The following MYO9A variants were observed in gnomAD, a reference collection of about 807,000 sequenced individuals.
The protein encoded by MYO9A is unconventional myosin-IXa.
Under a neutral mutation model 293.3 loss-of-function variants are expected in MYO9A, and 103 were observed. The observed-to-expected ratio is 0.35, with a 90% CI of 0.30 to 0.41. MYO9A has a LOEUF of 0.41. Among genes scored for constraint, MYO9A ranks in the 10% least tolerant of loss-of-function variants. MYO9A has a pLI of 1.00. For synonymous variants in MYO9A, 1,001 were observed against 1,035.7 expected, an observed-to-expected ratio of 0.97 and a Z score of 0.64; for missense variants, 2,685 against 3,033.0, an observed-to-expected ratio of 0.89 and a Z score of 2.69.
chr15:72,041,227 T>G, intron 2 of MYO9A: 1 of 1,387,622 alleles, frequency 7.2e-7, no homozygotes, highest in East Asian at 2.6e-5. Flanking sequence ...TATTCTTCAC[T>G]CATTGCACAC....
At chr15:71,961,691 G>A (rs1416443231) in intron 13 of MYO9A, among the ~76,000 whole-genome samples, 1 of 152,086 alleles carries the variant, frequency 6.6e-6, no homozygotes. Flanking sequence ...TGGAGTGCTA[G>A]GGAGATTTCA....
intron 39 of MYO9A, among the ~76,000 whole-genome samples, chr15:71,843,729 C>T (rs747164971): frequency 3.9e-5 from 6 of 152,154 alleles, no homozygotes; most frequent in African/African-American, 7.2e-5. Context: ...GTGATCCGCC[C>T]GCCTCGGCCT....
At chr15:72,116,360 C>T (rs117098363) in intron 1 of MYO9A, among the ~76,000 whole-genome samples, 4 of 152,310 alleles carry the variant, frequency 2.6e-5, no homozygotes, top group Non-Finnish European at 4.4e-5. Flanking sequence ...AAATTACGTA[C>T]TGATCATTTG....
rs1006471878 is a variant in MYO9A at position 71,859,908 on chromosome 15, G to T, written c.6092-112C>A. 59 of 787,520 alleles carry T rather than the reference G, an allele frequency of 7.5e-5. No homozygotes were observed. The Admixed American group carries it at 1.3e-3, about 17-fold the overall frequency. The allele number at this position is 787,520 out of a possible 1,614,324, so 48.8% of individuals were successfully genotyped here. On this transcript the variant is annotated intron_variant, in intron 33 of 41. Transcript: ENST00000356056. The stretch of plus-strand genomic sequence containing the variant: ...CGTTTTTTTCTTTAAATCTCAGACT[G>T]CTGTAATATGACATACATACTTTGT...
intron 18 of MYO9A, among the ~76,000 whole-genome samples, chr15:71,918,944 C>CG (rs1401016475): frequency 6.6e-6 from 1 of 152,104 alleles, no homozygotes; most frequent in Non-Finnish European, 1.5e-5. Flanking sequence ...ACTCTATAGC[C>CG]GGGCCCTCAC....
Position 72,007,962 on chromosome 15 carries a change from T to C in MYO9A, c.1254-10A>G. 1 of 1,605,578 alleles carries C rather than the reference T, an allele frequency of 6.2e-7. No individual in the cohort carries two copies. Among genetic ancestry groups the C allele is most frequent in the Non-Finnish European group, 8.5e-7 (1 of 1,177,628 alleles). ...GAGAAGAGAGAAAATCCTGGGAAAA[T>C]AAAACACAAATTATAGCTTAGTTGT... On this transcript the variant is annotated splice_polypyrimidine_tract_variant and intron_variant, in intron 7 of 41. Coordinates refer to ENST00000356056, the MANE Select transcript of MYO9A (RefSeq NM_006901.4).
rs1377734435 is a variant in MYO9A at position 71,865,751 on chromosome 15, A to G, written c.5980-3140T>C. 2.6e-5 allele frequency among the ~76,000 whole-genome samples: 4 copies of G among 152,208 alleles called. No homozygotes were observed. The East Asian group carries it at 7.7e-4, about 29-fold the overall frequency. On this transcript the variant is annotated intron_variant, in intron 32 of 41. Coordinates refer to ENST00000356056, the MANE Select transcript of MYO9A (RefSeq NM_006901.4). ...GTAATGATTGCTTAACATAGTGAAT[A>G]TACTAAAACCCACTAAATTGCACAC...
At chr15:71,914,136 G>GAGGCAACTAGAA (rs1194139981) in intron 19 of MYO9A, among the ~76,000 whole-genome samples, 1 of 151,902 alleles carries the variant, frequency 6.6e-6, no homozygotes, top group African/African-American at 2.4e-5. Flanking sequence ...ACAAATTCTA[G>GAGGCAACTAGAA]TTGCCTCTAC....
intron 1 of MYO9A, among the ~76,000 whole-genome samples, chr15:72,088,367 C>G (rs1232994584): frequency 2.6e-5 from 4 of 152,192 alleles, no homozygotes; most frequent in Admixed American, 1.3e-4. Flanking sequence ...TGTCATAGGT[C>G]AATGCCTTCT....
At chr15:72,107,960 G>C (rs2080634668) in intron 1 of MYO9A, among the ~76,000 whole-genome samples, 1 of 152,058 alleles carries the variant, frequency 6.6e-6, no homozygotes, top group South Asian at 2.1e-4. Flanking sequence ...AGGAACTGTT[G>C]TTCACTCCCA....
rs540317190 is a variant in MYO9A at position 72,107,369 on chromosome 15, T to G, written c.-72+10311A>C. Among the ~76,000 whole-genome samples, 182 of 152,198 alleles carry G rather than the reference T, an allele frequency of 1.2e-3. 1 individual carries two copies. Among genetic ancestry groups the G allele is most frequent in the African/African-American group, 3.9e-3 (163 of 41,524 alleles). ...TCCCAGACCAGCCTGGTCAACATGG[T>G]GAAACCCTGTCTCTACTAAAAATAC... On this transcript the variant is annotated intron_variant, in intron 1 of 41. Transcript: ENST00000356056.
intron 7 of MYO9A, among the ~76,000 whole-genome samples, chr15:72,009,780 A>AT (rs1414049261): frequency 6.6e-6 from 1 of 152,158 alleles, no homozygotes; most frequent in African/African-American, 2.4e-5. Context: ...CAAAAAAGTT[A>AT]TAAGTAACTA....
chr15:72,071,869 A>C (rs2079201274), intron 1 of MYO9A, among the ~76,000 whole-genome samples: 1 of 152,084 alleles, frequency 6.6e-6, no homozygotes, highest in Non-Finnish European at 1.5e-5. Flanking sequence ...CAATCCCACT[A>C]CTGAGTATCT....
chr15:72,069,244 G>A (rs146863760), intron 1 of MYO9A, among the ~76,000 whole-genome samples: 1 of 152,230 alleles, frequency 6.6e-6, no homozygotes, highest in African/African-American at 2.4e-5. Context: ...AAACTAGAAG[G>A]TGCACTGAGG....
intron 18 of MYO9A, among the ~76,000 whole-genome samples, chr15:71,924,403 G>C (rs902076206): frequency 6.6e-6 from 1 of 151,916 alleles, no homozygotes; most frequent in African/African-American, 2.4e-5. Flanking sequence ...CACCATGCCT[G>C]GCTAAATTTT....
At chr15:71,845,454 G>C (rs2055343521) in intron 39 of MYO9A, among the ~76,000 whole-genome samples, 1 of 152,188 alleles carries the variant, frequency 6.6e-6, no homozygotes, top group Non-Finnish European at 1.5e-5. Flanking sequence ...CCCCAGCAAA[G>C]ATGCTGGGGT....
chr15:72,098,980 G>A (rs987007187), intron 1 of MYO9A, among the ~76,000 whole-genome samples: 1 of 151,866 alleles, frequency 6.6e-6, no homozygotes. Context: ...GCAAACCTCT[G>A]GCAAAAATAA....
intron 1 of MYO9A, chr15:72,117,209 T>C (rs2081018405): frequency 6.6e-6 from 1 of 151,962 alleles, no homozygotes; most frequent in Non-Finnish European, 1.5e-5. Context: ...CCGTGATGGC[T>C]AGGGTTAGTG....
At chr15:71,915,057 A>C (rs2057968696) in intron 19 of MYO9A, among the ~76,000 whole-genome samples, 1 of 152,186 alleles carries the variant, frequency 6.6e-6, no homozygotes, top group Non-Finnish European at 1.5e-5. Context: ...TGGATTTGCT[A>C]ATCAGGAAAA....
Sources: gnomAD v4.1 joint callset for allele counts (sites outside exome capture counted in the v4.1 genomes callset) on GRCh38, gnomAD v4.1.1 for gene constraint, MANE v1.5 for transcripts, NCBI Gene and HGNC (gene_info 2026-07-23, HGNC 2026-07-21) for gene names.